Variants in GPHN observed in about 807,000 individuals in gnomAD.
The protein encoded by GPHN is gephyrin.
A neutral mutation model predicts 95.5 loss-of-function variants in GPHN; 17 were observed. The observed-to-expected ratio is 0.18, with a 90% CI of 0.12 to 0.27. The LOEUF is 0.27. GPHN is among the 10% of genes least tolerant of loss of function. The probability of loss-of-function intolerance (pLI) is 1.00; values close to 1 mark genes in which losing one functional copy is unlikely to be tolerated. For missense variants in GPHN, 660 were observed against 978.1 expected, an observed-to-expected ratio of 0.67 and a Z score of 4.34; for synonymous variants, 320 against 322.5, an observed-to-expected ratio of 0.99 and a Z score of 0.08.
the GPHN span, among the ~76,000 whole-genome samples, chr14:67,551,435 G>A: frequency 5.9e-5 from 9 of 152,072 alleles, no homozygotes; most frequent in African/African-American, 1.7e-4. Flanking sequence ...TCTTCACAAC[G>A]ATCCTAGGAG....
the GPHN span, among the ~76,000 whole-genome samples, chr14:67,705,252 AC>A: frequency 6.6e-6 from 1 of 152,240 alleles, no homozygotes; most frequent in African/African-American, 2.4e-5. Context: ...TACAGAGGTT[AC>A]AGTCCTTGGC....
the GPHN span, among the ~76,000 whole-genome samples, chr14:67,535,466 C>T: frequency 6.7e-6 from 1 of 150,118 alleles, no homozygotes; most frequent in Non-Finnish European, 1.5e-5. Flanking sequence ...CTACAACCTC[C>T]GCCTCCAGGG....
intron 10 of GPHN, among the ~76,000 whole-genome samples, chr14:67,052,075 A>G (rs2075331444): frequency 6.6e-6 from 1 of 152,184 alleles, no homozygotes; most frequent in Admixed American, 6.5e-5. Flanking sequence ...ATAACCAGCT[A>G]GCATCATGAT....
intron 11 of GPHN, chr14:67,059,131 T>C (rs989899265): frequency 2.8e-5 from 10 of 353,464 alleles, no homozygotes; most frequent in Non-Finnish European, 4.5e-5. Context: ...TAACTCTGAG[T>C]CTGTATGATG....
rs149968368 is a variant in GPHN at position 66,793,029 on chromosome 14, C to T, written c.201+16508C>T. Among the ~76,000 whole-genome samples the T allele has an allele frequency of 9.7e-3, 1,482 of 152,356 alleles. 76 individuals carry two copies. Among genetic ancestry groups the T allele is most frequent in the Admixed American group, 0.089 (1,367 of 15,298 alleles). On this transcript the variant is annotated intron_variant, in intron 3 of 22. Coordinates refer to ENST00000478722, the MANE Select transcript of GPHN (RefSeq NM_020806.5). ...TTAAGAATGCCTTTAAGCGGTTTTCCGCCCTGGGCGGGCCAGGTGTTCCTT... is the reference window on the plus strand; with the variant it reads ...TTAAGAATGCCTTTAAGCGGTTTTCTGCCCTGGGCGGGCCAGGTGTTCCTT...
At chr14:67,569,820 C>G in the GPHN span, 1 of 756,626 alleles carries the variant, frequency 1.3e-6, no homozygotes, top group South Asian at 1.5e-5. Flanking sequence ...TGTCACTGGC[C>G]TGCTCCTGGA....
chr14:67,252,323 A>G, the GPHN span, among the ~76,000 whole-genome samples: 4 of 151,792 alleles, frequency 2.6e-5, no homozygotes, highest in Non-Finnish European at 5.9e-5. Flanking sequence ...AGCTAATTTT[A>G]TTTTTATTTT....
At chr14:67,394,274 T>A in the GPHN span, among the ~76,000 whole-genome samples, 2 of 152,176 alleles carry the variant, frequency 1.3e-5, no homozygotes, top group Non-Finnish European at 2.9e-5. Flanking sequence ...CTCATACCTG[T>A]CATCCCAGTG....
At chr14:67,176,155 G>A (rs1034969025) in intron 21 of GPHN, among the ~76,000 whole-genome samples, 3 of 152,092 alleles carry the variant, frequency 2.0e-5, no homozygotes, top group African/African-American at 4.8e-5. Flanking sequence ...GTCTTGCACC[G>A]GTTTTCAAAG....
chr14:66,905,689 A>C (rs773719745), intron 5 of GPHN, among the ~76,000 whole-genome samples: 4 of 152,254 alleles, frequency 2.6e-5, no homozygotes, highest in Admixed American at 2.0e-4. Flanking sequence ...TAATGAGCGT[A>C]GTATACAAAA....
At chr14:67,661,803 G>A in the GPHN span, among the ~76,000 whole-genome samples, 1 of 151,926 alleles carries the variant, frequency 6.6e-6, no homozygotes, top group African/African-American at 2.4e-5. Flanking sequence ...CAAAGTGTTG[G>A]GATTGCAAGC....
chr14:67,164,546 T>G (rs1357438795), intron 19 of GPHN, among the ~76,000 whole-genome samples: 1 of 151,966 alleles, frequency 6.6e-6, no homozygotes, highest in Admixed American at 6.6e-5. Context: ...CAGGCTGGCG[T>G]GCAGTGGCCA....
At chr14:66,843,482 G>A (rs758816017) in intron 4 of GPHN, among the ~76,000 whole-genome samples, 1 of 152,146 alleles carries the variant, frequency 6.6e-6, no homozygotes. Flanking sequence ...TTGCTTGACT[G>A]TTGCCTCCTC....
At chr14:67,622,786 T>C in the GPHN span, among the ~76,000 whole-genome samples, 2 of 152,266 alleles carry the variant, frequency 1.3e-5, no homozygotes, top group African/African-American at 4.8e-5. Flanking sequence ...CTCTACCGTC[T>C]GTAGGTTCTG....
intron 2 of GPHN, among the ~76,000 whole-genome samples, chr14:66,740,323 G>A (rs1303745716): frequency 1.1e-4 from 17 of 151,954 alleles, no homozygotes; most frequent in Admixed American, 8.5e-4. Context: ...AATACTTAAC[G>A]TCATGAGGGA....
At chr14:67,081,644 T>G (rs2076701965) in intron 11 of GPHN, among the ~76,000 whole-genome samples, 1 of 152,226 alleles carries the variant, frequency 6.6e-6, no homozygotes, top group African/African-American at 2.4e-5. Context: ...TGCATTTGCT[T>G]TTGGATTCTT....
chr14:67,678,155 G>A, the GPHN span: 2 of 561,808 alleles, frequency 3.6e-6, no homozygotes, highest in Non-Finnish European at 6.4e-6. Flanking sequence ...ACATTTAGAC[G>A]AATCTGGCAG....
intron 12 of GPHN, among the ~76,000 whole-genome samples, chr14:67,092,037 T>TAAATCTCAA (rs2077170500): frequency 6.6e-6 from 1 of 152,048 alleles, no homozygotes; most frequent in African/African-American, 2.4e-5. Flanking sequence ...TAGGAATGGT[T>TAAATCTCAA]AGTATGTCTG....
At chr14:66,941,005 G>A (rs2067397311) in intron 8 of GPHN, among the ~76,000 whole-genome samples, 1 of 152,154 alleles carries the variant, frequency 6.6e-6, no homozygotes, top group South Asian at 2.1e-4. Flanking sequence ...AAGGAAACCT[G>A]GATGGGCATC....
Sources: gnomAD v4.1 joint callset for allele counts (sites outside exome capture counted in the v4.1 genomes callset) on GRCh38, gnomAD v4.1.1 for gene constraint, MANE v1.5 for transcripts, NCBI Gene and HGNC (gene_info 2026-07-23, HGNC 2026-07-21) for gene names.